SV2B: variants seen among roughly 807,000 people sequenced by gnomAD.
SV2B encodes solute carrier family 22 member B2.
SV2B carries 41 observed loss-of-function variants against 73.9 expected under a neutral mutation model. The ratio of observed to expected loss-of-function variants is 0.56; its 90% CI spans 0.43 to 0.72. The LOEUF (loss-of-function observed/expected upper bound fraction) is 0.72, where lower values mean the gene tolerates loss of function less well. Among genes scored for constraint, SV2B ranks in the 30% least tolerant of loss-of-function variants. The pLI, the probability that SV2B is intolerant of heterozygous loss-of-function variation, is 0.00. For synonymous variants in SV2B, 314 were observed against 314.2 expected (o/e 1.00, Z 0.01); for missense variants, 764 against 857.8 (o/e 0.89, Z 1.37).
chr15:91,143,222 C>G (rs748430078), intron 1 of SV2B, among the ~76,000 whole-genome samples: 3 of 152,150 alleles, frequency 2.0e-5, no homozygotes, highest in Non-Finnish European at 4.4e-5. Context: ...TAGGGCTGTC[C>G]ATAAGAACCG....
Position 91,284,069 on chromosome 15 carries a change from T to C in SV2B, c.1556T>C (p.Phe519Ser), listed in dbSNP as rs1596787658. Residue 519 changes from phenylalanine (F) to serine (S), a missense_variant, in exon 11 of 13, where the codon TTC becomes TCC. By Grantham distance (155) the Phe-to-Ser change is radical (BLOSUM62 -2). Transcript: ENST00000394232. The surrounding 1 kb of genome is among the most constrained non-coding windows in gnomAD (Gnocchi z 4.5). ...FINCRFINST[F>S]LEQKEGCHMD... The stretch of plus-strand genomic sequence containing the variant: ...AACTGTCGGTTTATCAACTCCACCT[T>C]CCTGGAGCAGAAGGAGGGCTGCCAC... The C allele has an allele frequency of 6.2e-7, 1 of 1,614,126 alleles. No homozygotes were observed. Among genetic ancestry groups the C allele is most frequent in the Non-Finnish European group, 8.5e-7 (1 of 1,180,026 alleles).
intron 12 of SV2B, among the ~76,000 whole-genome samples, 195 bp from the exon 13 acceptor site, chr15:91,292,174 A>G (rs184624677): frequency 3.3e-5 from 5 of 152,120 alleles, no homozygotes; most frequent in African/African-American, 1.2e-4. Flanking sequence ...CTCGGTGAAG[A>G]GGTTAGATAT....
At chr15:91,103,228 A>T (rs1297862646) in intron 1 of SV2B, among the ~76,000 whole-genome samples, 1 of 152,210 alleles carries the variant, frequency 6.6e-6, no homozygotes, top group Non-Finnish European at 1.5e-5. Flanking sequence ...TTTGCAAGGC[A>T]ACAGGAAGCA....
chr15:91,260,987 G>A (rs1312070183), intron 6 of SV2B, among the ~76,000 whole-genome samples: 1 of 152,200 alleles, frequency 6.6e-6, no homozygotes, highest in African/African-American at 2.4e-5. Context: ...TTCAAGATGA[G>A]ATTTGTGTGG....
At chr15:91,200,346 T>A (rs531739749) in intron 1 of SV2B, among the ~76,000 whole-genome samples, 4 of 152,314 alleles carry the variant, frequency 2.6e-5, no homozygotes, top group African/African-American at 9.6e-5. Context: ...TCGGGCCATA[T>A]GGCCTTGAAA....
At position 91,228,063 on chromosome 15, in the gene SV2B, C is replaced by T. The variant is rs180715779; in HGVS notation, c.451+1349C>T. On this transcript the variant is annotated intron_variant, in intron 2 of 12. Transcript: ENST00000394232. ...AGCCTGCGGGCTGCAGTTTGCAATC[C>T]CCTGATTTAGGGCCACTGTAAATAA... 1.8e-3 allele frequency among the ~76,000 whole-genome samples: 269 copies of T among 152,214 alleles called. 1 individual carries two copies. Among genetic ancestry groups the T allele is most frequent in the African/African-American group, 5.9e-3 (244 of 41,526 alleles).
At chr15:91,219,112 C>A (rs1221437272) in intron 1 of SV2B, among the ~76,000 whole-genome samples, 4 of 152,122 alleles carry the variant, frequency 2.6e-5, no homozygotes, top group Non-Finnish European at 5.9e-5. Flanking sequence ...TCACACCCAG[C>A]TAATTTTTGT....
Position 91,265,773 on chromosome 15 carries a change from G to A in SV2B, c.1009-809G>A, listed in dbSNP as rs2048078295. Among the ~76,000 whole-genome samples, 1 of 152,248 alleles carries A rather than the reference G, an allele frequency of 6.6e-6. No individual in the cohort carries two copies. The highest frequency in any genetic ancestry group is 2.4e-5 in the African/African-American group (1 of 41,466). ...CAGATGAGTCCAGGAGGCTCACAGT[G>A]TGGTCATGTCCTTGACATTTCTGGG... is the stretch of plus-strand genomic sequence containing the variant. On this transcript the variant is annotated intron_variant, in intron 6 of 12. Transcript: ENST00000394232. This position sits in a 1 kb window ranked among gnomAD's most constrained non-coding sequence, Gnocchi z 4.2.
At chr15:91,169,825 A>T (rs2044056529) in intron 1 of SV2B, among the ~76,000 whole-genome samples, 2 of 152,174 alleles carry the variant, frequency 1.3e-5, no homozygotes, top group Non-Finnish European at 2.9e-5. Context: ...GCCCCAGTTG[A>T]GCTGAGATAT....
chr15:91,260,176 A>T, intron 5 of SV2B, 144 bp from the exon 6 acceptor site: 1 of 628,498 alleles, frequency 1.6e-6, no homozygotes, highest in Non-Finnish European at 2.8e-6. Flanking sequence ...CCTAGATGGT[A>T]ATGAGTCCAT....
At chr15:91,279,160 T>G (rs1416748322) in intron 9 of SV2B, among the ~76,000 whole-genome samples, 1 of 152,238 alleles carries the variant, frequency 6.6e-6, no homozygotes, top group Non-Finnish European at 1.5e-5. Flanking sequence ...AAGTGTCCCC[T>G]TAGAAGTGGT....
At chr15:91,266,364 A>T (rs2048101199) in intron 6 of SV2B, among the ~76,000 whole-genome samples, 1 of 152,188 alleles carries the variant, frequency 6.6e-6, no homozygotes. Flanking sequence ...GGCTGAAGAA[A>T]GAGATGGAGA....
At chr15:91,125,277 G>A (rs765733356) in intron 1 of SV2B, among the ~76,000 whole-genome samples, 6 of 152,178 alleles carry the variant, frequency 3.9e-5, no homozygotes, top group Admixed American at 1.3e-4. Context: ...TGAATTTTGA[G>A]GGGACAGAAT....
intron 1 of SV2B, among the ~76,000 whole-genome samples, chr15:91,167,913 G>A (rs1006021350): frequency 6.6e-6 from 1 of 152,048 alleles, no homozygotes; most frequent in Non-Finnish European, 1.5e-5. Context: ...AGATGACAAG[G>A]GCTGACCTAC....
intron 1 of SV2B, among the ~76,000 whole-genome samples, chr15:91,159,301 G>A (rs1032199484): frequency 6.6e-6 from 1 of 152,096 alleles, no homozygotes; most frequent in Non-Finnish European, 1.5e-5. Flanking sequence ...GATTTACTAG[G>A]TATTTGGAGA....
chr15:91,195,612 C>T (rs2045217883), intron 1 of SV2B, among the ~76,000 whole-genome samples: 1 of 152,208 alleles, frequency 6.6e-6, no homozygotes, highest in African/African-American at 2.4e-5. Context: ...ATTATGGCAG[C>T]ATGGTGTAAC....
intron 1 of SV2B, among the ~76,000 whole-genome samples, chr15:91,189,409 C>T (rs1020917801): frequency 1.3e-4 from 20 of 151,646 alleles, no homozygotes; most frequent in Admixed American, 4.6e-4. Flanking sequence ...GGCATTGCAC[C>T]GTGGTTTTGT....
intron 9 of SV2B, among the ~76,000 whole-genome samples, chr15:91,274,073 T>A (rs1458836475): frequency 2.6e-5 from 4 of 152,216 alleles, no homozygotes; most frequent in Non-Finnish European, 4.4e-5. Flanking sequence ...TTAATTCAAA[T>A]TTTTATATGC....
At chr15:91,233,345 T>C (rs908695156) in intron 2 of SV2B, among the ~76,000 whole-genome samples, 1 of 152,232 alleles carries the variant, frequency 6.6e-6, no homozygotes. Context: ...GCACTAATGT[T>C]ACTGGACAAA....
Sources: allele counts gnomAD v4.1 joint callset (sites outside exome capture counted in the v4.1 genomes callset), GRCh38; gene constraint gnomAD v4.1.1; non-coding constraint Gnocchi (gnomAD v3.1); transcripts MANE v1.5; gene names NCBI Gene and HGNC (gene_info 2026-07-23, HGNC 2026-07-21).